Variants in SLC25A28 observed in about 807,000 individuals in gnomAD.
SLC25A28 encodes solute carrier family 25 member 28.
Under a neutral mutation model 31.9 loss-of-function variants are expected in SLC25A28, and 10 were observed. The ratio of observed to expected loss-of-function variants is 0.31; its 90% CI spans 0.19 to 0.53. The LOEUF is 0.53. Ranked by LOEUF, SLC25A28 falls within the 20% of genes least tolerant of loss-of-function variation. SLC25A28 has a pLI of 0.95. For missense variants in SLC25A28, 256 were observed against 490.3 expected (o/e 0.52, Z 4.51); for synonymous variants, 208 against 203.6 (o/e 1.02, Z -0.19).
the SLC25A28 span, among the ~76,000 whole-genome samples, chr10:99,652,866 T>C: frequency 6.6e-6 from 1 of 152,214 alleles, no homozygotes; most frequent in African/African-American, 2.4e-5. Flanking sequence ...GCAGATGCTG[T>C]CATCTCCCTG....
the SLC25A28 span, among the ~76,000 whole-genome samples, chr10:99,635,776 A>G: frequency 3.3e-5 from 5 of 152,358 alleles, no homozygotes; most frequent in South Asian, 1.0e-3. Context: ...GGGTGGAAAA[A>G]GGCATTTCAT....
chr10:99,630,557 T>C, the SLC25A28 span, among the ~76,000 whole-genome samples: 1 of 152,186 alleles, frequency 6.6e-6, no homozygotes, highest in Non-Finnish European at 1.5e-5. Flanking sequence ...TTGAAAAATA[T>C]TGCTATGATA....
chr10:99,629,594 G>C, the SLC25A28 span, among the ~76,000 whole-genome samples: 9 of 152,170 alleles, frequency 5.9e-5, no homozygotes, highest in African/African-American at 2.2e-4. Flanking sequence ...ACCATAGAAA[G>C]AAACAAAGAA....
chr10:99,633,666 C>T, the SLC25A28 span, among the ~76,000 whole-genome samples: 1 of 49,186 alleles, frequency 2.0e-5, no homozygotes. Context: ...GAGACTCTGT[C>T]TTAAGAAAAA....
At chr10:99,658,072 C>T in the SLC25A28 span, among the ~76,000 whole-genome samples, 1 of 152,054 alleles carries the variant, frequency 6.6e-6, no homozygotes, top group Non-Finnish European at 1.5e-5. Flanking sequence ...GCCTGTAGAG[C>T]CAGCTACTCA....
At chr10:99,619,968 C>A in intron 1 of SLC25A28, 77 bp downstream of exon 1, 2 of 1,411,750 alleles carry the variant, frequency 1.4e-6, no homozygotes, top group Non-Finnish European at 9.3e-7. Flanking sequence ...CGGCTCTCAG[C>A]CGGGATCCTG....
chr10:99,613,467 T>A lies in SLC25A28; in HGVS notation c.520+229A>T. ...AGATGAGAGGAACAAGTCAAGCTGG[T>A]AGGTAAGGGAGGATACTGTAACCCT... is the stretch of plus-strand genomic sequence containing the variant. On this transcript the variant is annotated intron_variant, in intron 2 of 3. Transcript: ENST00000370495. This position sits in a 1 kb window ranked among gnomAD's most constrained non-coding sequence, Gnocchi z 4.9. 4 of 1,401,958 alleles carry A rather than the reference T, an allele frequency of 2.9e-6. No homozygotes were observed. The South Asian group carries it at 6.1e-5, about 21-fold the overall frequency. The allele number at this position is 1,401,958 out of a possible 1,614,324, so 86.8% of individuals were successfully genotyped here.
rs551270475 is a variant in SLC25A28 at position 99,616,629 on chromosome 10, G to A, written c.292-2705C>T. 15 of 985,192 alleles carry A rather than the reference G, an allele frequency of 1.5e-5. No individual in the cohort carries two copies. In the South Asian group the frequency reaches 5.6e-4, roughly 37 times the overall value. 61.0% of individuals were successfully genotyped at this position (985,192 alleles called of 1,614,324 possible). ...TCTCTGTGGCTATAATGATTTACAT[G>A]TCCCACTATTAATCTGAAGGTCATA... On this transcript the variant is annotated intron_variant, in intron 1 of 3. Coordinates refer to ENST00000370495, the MANE Select transcript of SLC25A28 (RefSeq NM_031212.4).
At chr10:99,651,501 C>T in the SLC25A28 span, among the ~76,000 whole-genome samples, 2,224 of 152,006 alleles carry the variant, frequency 0.015, 63 homozygotes, top group African/African-American at 0.05. Context: ...AATATTTTCT[C>T]CCACAGAAGG....
Position 99,620,400 on chromosome 10 carries a change from G to T in SLC25A28, c.-65C>A, listed in dbSNP as rs1466378902. 9.3e-6 allele frequency: 9 copies of T among 965,508 alleles called. No individual in the cohort carries two copies. The highest frequency in any genetic ancestry group is 1.1e-5 in the Non-Finnish European group (9 of 830,554). The allele number at this position is 965,508 out of a possible 1,614,324, so 59.8% of individuals were successfully genotyped here. A position where few individuals can be genotyped will look rare whatever the true frequency, so the allele number is the denominator to read the frequency against. ...GCCACCACTGCCGCCGCCGCCCCCC[G>T]GCCCCGTAGTGTCCGCCTCAGGCGC... On this transcript the variant is annotated 5_prime_UTR_variant, in exon 1 of 4. Coordinates refer to ENST00000370495, the MANE Select transcript of SLC25A28 (RefSeq NM_031212.4).
At chr10:99,620,507 T>C, upstream of SLC25A28, 1 of 1,042,114 alleles carries the variant, frequency 9.6e-7, no homozygotes, top group Non-Finnish European at 1.2e-6. Flanking sequence ...AGACGCCAAG[T>C]TAGACCCACC....
chr10:99,612,697 C>G, intron 2 of SLC25A28, 98 bp from the exon 3 acceptor site: 2 of 1,367,148 alleles, frequency 1.5e-6, no homozygotes, highest in Non-Finnish European at 2.1e-6. Flanking sequence ...TACACTACAG[C>G]GGGGAAAAGT....
At chr10:99,632,223 TATA>T in the SLC25A28 span, among the ~76,000 whole-genome samples, 1 of 152,318 alleles carries the variant, frequency 6.6e-6, no homozygotes, top group African/African-American at 2.4e-5. Context: ...AGCAATAAAG[TATA>T]ATGACTACAT....
intron 1 of SLC25A28, chr10:99,618,096 A>T: frequency 8.2e-6 from 2 of 242,484 alleles, no homozygotes; most frequent in Non-Finnish European, 1.3e-5. Flanking sequence ...GATTCTGAAT[A>T]GTCTTTGTTC....
intron 3 of SLC25A28, 108 bp downstream of exon 3, chr10:99,612,435 A>G: frequency 4.6e-6 from 6 of 1,305,274 alleles, no homozygotes; most frequent in Non-Finnish European, 6.5e-6. Flanking sequence ...CTCTAGTGGT[A>G]AAACAAGGTA....
upstream of SLC25A28, among the ~76,000 whole-genome samples, chr10:99,623,090 G>A (rs1034698462): frequency 9.9e-5 from 15 of 152,168 alleles, no homozygotes; most frequent in African/African-American, 2.7e-4. Context: ...CTGAGGAGAC[G>A]ACATGTATGG....
At chr10:99,643,723 A>T in the SLC25A28 span, among the ~76,000 whole-genome samples, 1 of 152,124 alleles carries the variant, frequency 6.6e-6, no homozygotes, top group Non-Finnish European at 1.5e-5. Flanking sequence ...ATTTCCCTCT[A>T]CACACTGCTT....
chr10:99,613,391 G>A lies in SLC25A28; in HGVS notation c.520+305C>T. 2.4e-6 allele frequency: 3 copies of A among 1,263,460 alleles called. No individual in the cohort carries two copies. In the South Asian group the frequency reaches 4.8e-5, roughly 20 times the overall value. 78.3% of individuals were successfully genotyped at this position (1,263,460 alleles called of 1,614,324 possible). A position where few individuals can be genotyped will look rare whatever the true frequency, so the allele number is the denominator to read the frequency against. On this transcript the variant is annotated intron_variant, in intron 2 of 3. Transcript: ENST00000370495. The surrounding 1 kb of genome is among the most constrained non-coding windows in gnomAD (Gnocchi z 4.9). ...CCCAACTGTCAAACATAGACTGGGG[G>A]TAGTTCAGTGTGTCTCCACATTACC...
At position 99,610,751 on chromosome 10, in the gene SLC25A28, CTTCT is replaced by C. The variant is rs2034500985; in HGVS notation, c.*94_*97del. On this transcript the variant is annotated 3_prime_UTR_variant, in exon 4 of 4. Transcript: ENST00000370495. ...CCTGGGGGAGAGCCCCTCTACCTTC[CTTCT>C]AACTCCACTTGAGGTGGGAGCATTC... The C allele has an allele frequency of 5.4e-6, 8 of 1,468,724 alleles. No homozygotes were observed. Among genetic ancestry groups the C allele is most frequent in the East Asian group, 2.3e-5 (1 of 43,872 alleles). 91.0% of individuals were successfully genotyped at this position (1,468,724 alleles called of 1,614,324 possible). A position where few individuals can be genotyped will look rare whatever the true frequency, so the allele number is the denominator to read the frequency against.
Sources: allele counts gnomAD v4.1 joint callset (sites outside exome capture counted in the v4.1 genomes callset), GRCh38; gene constraint gnomAD v4.1.1; non-coding constraint Gnocchi (gnomAD v3.1); transcripts MANE v1.5; gene names NCBI Gene and HGNC (gene_info 2026-07-23, HGNC 2026-07-21).